Variants in PRKCA observed in about 807,000 individuals in gnomAD.
The protein encoded by PRKCA is protein kinase C alpha type.
In PRKCA, 27 loss-of-function variants were observed where a neutral mutation model predicts 87.0. The observed-to-expected ratio is 0.31, with a 90% CI of 0.23 to 0.43. PRKCA has a LOEUF of 0.43. Ranked by LOEUF, PRKCA falls within the 20% of genes least tolerant of loss-of-function variation. PRKCA has a pLI of 1.00. For synonymous variants in PRKCA, 329 were observed against 311.1 expected (o/e 1.06, Z -0.61); for missense variants, 518 against 852.3 (o/e 0.61, Z 4.88).
chr17:66,591,306 C>T (rs1484813908), intron 3 of PRKCA, among the ~76,000 whole-genome samples: 2 of 149,812 alleles, frequency 1.3e-5, no homozygotes, highest in Admixed American at 6.7e-5. Flanking sequence ...GCGTGCACCA[C>T]CATGCCCAGC....
At chr17:66,727,242 T>A (rs906712409) in intron 8 of PRKCA, among the ~76,000 whole-genome samples, 4 of 152,132 alleles carry the variant, frequency 2.6e-5, no homozygotes, top group African/African-American at 9.7e-5. Flanking sequence ...CAGTACACAC[T>A]TGAGAAAGGG....
In PRKCA at chr17:66,726,727, CT is replaced by C. The variant is rs770732800; in HGVS notation, c.919-5947del. Reference sequence around the variant, plus strand: ...GGTGAATCCAGGACAGGACCACTGTCTTTTTTTTTTTTTTCGAGACAGGGTC... The same window carrying C: ...GGTGAATCCAGGACAGGACCACTGTCTTTTTTTTTTTTTCGAGACAGGGTC... On this transcript the variant is annotated intron_variant, in intron 8 of 16. Coordinates refer to ENST00000413366, the MANE Select transcript of PRKCA (RefSeq NM_002737.3). 2.3e-3 allele frequency among the ~76,000 whole-genome samples: 327 copies of C among 142,176 alleles called. 2 individuals carry two copies. Among genetic ancestry groups the C allele is most frequent in the Middle Eastern group, 3.7e-3 (1 of 272 alleles). The allele number at this position is 142,176 out of a possible 152,430, so 93.3% of individuals were successfully genotyped here.
chr17:66,742,530 C>A (rs1974180153), intron 12 of PRKCA, 92 bp from the exon 13 acceptor site: 1 of 1,329,638 alleles, frequency 7.5e-7, no homozygotes, highest in Non-Finnish European at 1.1e-6. Flanking sequence ...ATTGAGCTGA[C>A]AGGTATTCAG....
chr17:66,670,821 T>G (rs1972159421), intron 5 of PRKCA, among the ~76,000 whole-genome samples: 1 of 151,720 alleles, frequency 6.6e-6, no homozygotes, highest in Non-Finnish European at 1.5e-5. Context: ...ATGATCACAC[T>G]ACTACACTCC....
chr17:66,441,248 G>A (rs755846646), intron 2 of PRKCA, among the ~76,000 whole-genome samples: 41 of 151,862 alleles, frequency 2.7e-4, no homozygotes, highest in Non-Finnish European at 4.9e-4. Flanking sequence ...GGAGGCTGAG[G>A]CAGAAGGATG....
At chr17:66,318,730 C>T (rs928105633) in intron 2 of PRKCA, among the ~76,000 whole-genome samples, 1 of 152,014 alleles carries the variant, frequency 6.6e-6, no homozygotes, top group Non-Finnish European at 1.5e-5. Context: ...TGGCGGGTGC[C>T]TGTAATCCCA....
intron 2 of PRKCA, among the ~76,000 whole-genome samples, chr17:66,330,746 A>G (rs1045556411): frequency 5.9e-5 from 9 of 152,218 alleles, no homozygotes; most frequent in African/African-American, 1.7e-4. Flanking sequence ...ACAAAATTTT[A>G]TAAATTAGTT....
chr17:66,771,620 G>A (rs1974935502), intron 13 of PRKCA, among the ~76,000 whole-genome samples: 1 of 151,712 alleles, frequency 6.6e-6, no homozygotes. Context: ...TTGAGACGGA[G>A]TCTCGCTCTC....
chr17:66,653,791 T>TAAAAAAAAAAA (rs550316151), intron 5 of PRKCA, among the ~76,000 whole-genome samples: 3 of 102,506 alleles, frequency 2.9e-5, no homozygotes, highest in African/African-American at 3.4e-5. Context: ...TTCCAGCTCT[T>TAAAAAAAAAAA]AAAAAAAAAA....
intron 2 of PRKCA, among the ~76,000 whole-genome samples, chr17:66,310,030 C>T (rs576204293): frequency 2.6e-4 from 40 of 152,252 alleles, no homozygotes; most frequent in Non-Finnish European, 4.9e-4. Flanking sequence ...GCTTTCAGTA[C>T]TGGAAAAGGG....
At chr17:66,603,575 T>C (rs1970120228) in intron 3 of PRKCA, among the ~76,000 whole-genome samples, 1 of 152,196 alleles carries the variant, frequency 6.6e-6, no homozygotes, top group Admixed American at 6.5e-5. Flanking sequence ...TGCCTTTTTC[T>C]CTTTCAAATA....
Position 66,302,814 on chromosome 17 carries a change from A to G in PRKCA, c.-38A>G. ...CGCCCACCCGGCCCTCCGCGGCCGC[A>G]GCTCCCCGGCGGAGGCAAGAGGTGG... On this transcript the variant is annotated 5_prime_UTR_variant, in exon 1 of 17. Coordinates refer to ENST00000413366, the MANE Select transcript of PRKCA (RefSeq NM_002737.3). 1 of 1,138,770 alleles carries G rather than the reference A, an allele frequency of 8.8e-7. No homozygotes were observed. The allele number at this position is 1,138,770 out of a possible 1,614,324, so 70.5% of individuals were successfully genotyped here.
chr17:66,633,314 A>G (rs1971071169), intron 3 of PRKCA, among the ~76,000 whole-genome samples: 1 of 152,202 alleles, frequency 6.6e-6, no homozygotes, highest in Admixed American at 6.5e-5. Context: ...AGGGTTAAAA[A>G]AAAAACTGCT....
At chr17:66,492,692 G>A (rs963930975) in intron 2 of PRKCA, among the ~76,000 whole-genome samples, 5 of 152,228 alleles carry the variant, frequency 3.3e-5, no homozygotes, top group Non-Finnish European at 7.3e-5. Context: ...TGTGCCTGGG[G>A]AGAGAGAGCA....
At chr17:66,406,291 G>A (rs936116040) in intron 2 of PRKCA, among the ~76,000 whole-genome samples, 2 of 152,132 alleles carry the variant, frequency 1.3e-5, no homozygotes, top group Admixed American at 6.5e-5. Flanking sequence ...TTATTTATGG[G>A]TTTAGTTGCT....
chr17:66,423,111 C>CAAAAAA (rs140765115), intron 2 of PRKCA, among the ~76,000 whole-genome samples: 3 of 144,536 alleles, frequency 2.1e-5, no homozygotes, highest in African/African-American at 7.6e-5. Flanking sequence ...GACCTTGTCT[C>CAAAAAA]AAAAAAAAAA....
intron 8 of PRKCA, among the ~76,000 whole-genome samples, chr17:66,730,672 A>G (rs3890136): frequency 0.17 from 25,562 of 152,194 alleles, 2,722 homozygotes; most frequent in East Asian, 0.42. Context: ...GACTGCTTTC[A>G]TTGCCTTGTT....
chr17:66,370,747 A>C (rs1306462972), intron 2 of PRKCA, among the ~76,000 whole-genome samples: 1 of 151,854 alleles, frequency 6.6e-6, no homozygotes, highest in Non-Finnish European at 1.5e-5. Flanking sequence ...ACGGGGTCTC[A>C]TTATGTTGCC....
At chr17:66,663,770 C>T (rs954682548) in intron 5 of PRKCA, among the ~76,000 whole-genome samples, 9 of 152,150 alleles carry the variant, frequency 5.9e-5, no homozygotes, top group African/African-American at 2.2e-4. Flanking sequence ...TTCCCCGGCC[C>T]TCCCTTTCTC....
Sources: gnomAD v4.1 joint callset for allele counts (sites outside exome capture counted in the v4.1 genomes callset) on GRCh38, gnomAD v4.1.1 for gene constraint, MANE v1.5 for transcripts, NCBI Gene and HGNC (gene_info 2026-07-23, HGNC 2026-07-21) for gene names.